Variants in SPEN observed in about 807,000 individuals in gnomAD.
SPEN encodes the protein spen family transcriptional repressor.
Under a neutral mutation model 269.9 loss-of-function variants are expected in SPEN, and 18 were observed. That is an observed-to-expected ratio of 0.07 (90% CI 0.05 to 0.10). The LOEUF (loss-of-function observed/expected upper bound fraction) is 0.10. Ranked by LOEUF, SPEN falls within the 10% of genes least tolerant of loss-of-function variation. The pLI, the probability that SPEN is intolerant of heterozygous loss-of-function variation, is 1.00. For synonymous variants in SPEN, 1,726 were observed against 1,765.7 expected (o/e 0.98, Z 0.56); for missense variants, 3,822 against 4,631.2 (o/e 0.83, Z 5.07).
At chr1:15,866,255 G>T (rs540880578) in intron 1 of SPEN, among the ~76,000 whole-genome samples, 13 of 152,168 alleles carry the variant, frequency 8.5e-5, no homozygotes, top group Non-Finnish European at 1.8e-4. Context: ...TGGCTTTAGG[G>T]ATTCTCCGTA....
At chr1:15,858,766 C>A (rs1462837271) in intron 1 of SPEN, among the ~76,000 whole-genome samples, 3 of 151,910 alleles carry the variant, frequency 2.0e-5, no homozygotes, top group African/African-American at 7.3e-5. Flanking sequence ...AAAACCCAGG[C>A]TGTAAAAACA....
rs200873742 is a variant in SPEN at position 15,856,279 on chromosome 1, C to T, written c.83+8129C>T. ...TGCTGGGATTACAGGTGTGAGCCACCGTGCCCGGCCAGATGTTAGAATCTT... is the reference window on the plus strand; with the variant it reads ...TGCTGGGATTACAGGTGTGAGCCACTGTGCCCGGCCAGATGTTAGAATCTT... On this transcript the variant is annotated intron_variant, in intron 1 of 14. Transcript: ENST00000375759. 1.8e-4 allele frequency among the ~76,000 whole-genome samples: 27 copies of T among 151,888 alleles called. 1 individual carries two copies. In the East Asian group the frequency reaches 2.5e-3, roughly 14 times the overall value.
intron 1 of SPEN, among the ~76,000 whole-genome samples, chr1:15,850,369 C>T (rs373543133): frequency 9.3e-5 from 14 of 150,864 alleles, no homozygotes; most frequent in South Asian, 8.4e-4. Context: ...CTAAGCAGAT[C>T]ATGTGTCCCT....
intron 3 of SPEN, among the ~76,000 whole-genome samples, chr1:15,885,399 T>C (rs530659737): frequency 2.0e-5 from 3 of 152,234 alleles, no homozygotes; most frequent in Non-Finnish European, 2.9e-5. Flanking sequence ...TTTGGACCTT[T>C]CCAACTGTTA....
rs1309478676 is a variant in SPEN at position 15,937,445 on chromosome 1, G to A, written c.10309G>A (p.Val3437Ile). 6.2e-7 allele frequency: 1 copy of A among 1,613,710 alleles called. No homozygotes were observed. The highest frequency in any genetic ancestry group is 8.5e-7 in the Non-Finnish European group (1 of 1,180,028). The change falls in exon 12 of 15, where the codon GTC (valine) becomes ATC (isoleucine). Residue 3437 changes from valine (V) to isoleucine (I), a missense_variant. Val to Ile is a conservative substitution (Grantham distance 29, BLOSUM62 3). Around this residue, in one of 16 missense-constraint regions of SPEN, gnomAD observed 359 missense variants for 377.3 expected, o/e 0.95. Transcript: ENST00000375759. The surrounding 1 kb of genome is among the most constrained non-coding windows in gnomAD (Gnocchi z 5.7). ...GACTTCCTTCCCCTCCCCTGTGTCT[G>A]TCTCCATGAAGCCTGACCTTCCAGT... ...GPTSFPSPVS[V>I]SMKPDLPVSL...
rs779334807 is a variant in SPEN at position 15,939,285 on chromosome 1, C to T, written c.10864-11C>T. 3 of 1,570,838 alleles carry T rather than the reference C, an allele frequency of 1.9e-6. No individual in the cohort carries two copies. Among genetic ancestry groups the T allele is most frequent in the Non-Finnish European group, 2.6e-6 (3 of 1,156,872 alleles). On this transcript the variant is annotated splice_polypyrimidine_tract_variant and intron_variant, in intron 14 of 14. Transcript: ENST00000375759. This position sits in a 1 kb window ranked among gnomAD's most constrained non-coding sequence, Gnocchi z 4.1. ...CAGACGGTCCCACTTTGCTCTCTAT[C>T]CTGTCTCCAGCCTGCCTACGTGCTG...
chr1:15,904,761 A>G (rs184399352), intron 3 of SPEN, among the ~76,000 whole-genome samples: 2 of 150,312 alleles, frequency 1.3e-5, no homozygotes, highest in Admixed American at 1.3e-4. Context: ...AATAATGTTT[A>G]TAATAATGGC....
At chr1:15,909,520 A>G (rs375717304) in intron 4 of SPEN, 39 bp downstream of exon 4, 39 of 1,590,934 alleles carry the variant, frequency 2.5e-5, no homozygotes, top group African/African-American at 1.9e-4. Context: ...CTGTGCTACT[A>G]CTGAGGAATG....
Position 15,928,870 on chromosome 1 carries a change from G to C in SPEN, c.2630G>C (p.Cys877Ser). 1 of 1,614,148 alleles carries C rather than the reference G, an allele frequency of 6.2e-7. No individual in the cohort carries two copies. Among genetic ancestry groups the C allele is most frequent in the South Asian group, 1.1e-5 (1 of 91,082 alleles). Residue 877 changes from cysteine to serine, a missense_variant, in exon 11 of 15, where the codon TGC becomes TCC. Cys to Ser is a moderately radical substitution (Grantham distance 112). Transcript: ENST00000375759. The surrounding 1 kb of genome is among the most constrained non-coding windows in gnomAD (Gnocchi z 5.7). ...AAAAACCGCCTGGAACTCATGCCTTGCGTGGTTTTGACTCGAGTGAAAGAG... is the reference window on the plus strand; with the variant it reads ...AAAAACCGCCTGGAACTCATGCCTTCCGTGGTTTTGACTCGAGTGAAAGAG... The part of the protein sequence containing the change: ...IAKNRLELMP[C>S]VVLTRVKEKE...
At chr1:15,892,528 A>G (rs966147468) in intron 3 of SPEN, among the ~76,000 whole-genome samples, 3 of 152,068 alleles carry the variant, frequency 2.0e-5, no homozygotes, top group South Asian at 2.1e-4. Flanking sequence ...AAACCCTTCT[A>G]TTCTCTTGGA....
Position 15,935,640 on chromosome 1 carries a change from C to T in SPEN, c.9400C>T (p.Pro3134Ser), listed in dbSNP as rs146190042. The change falls in exon 11 of 15, where the codon CCA becomes TCA. Residue 3134 changes from proline to serine, a missense_variant. Pro to Ser is a moderately conservative substitution (Grantham distance 74). Transcript: ENST00000375759. The surrounding 1 kb of genome is among the most constrained non-coding windows in gnomAD (Gnocchi z 7.7). The stretch of plus-strand genomic sequence containing the variant: ...GCCCCAGCAAATAGAGGTCAGGGCC[C>T]CACAGCGTGCCAGCACCCCGCAGCC... Reference protein sequence around the residue: ...LQPQQIEVRAPQRASTPQPAP... With the variant: ...LQPQQIEVRASQRASTPQPAP... 5.0e-6 allele frequency: 8 copies of T among 1,613,964 alleles called. No individual in the cohort carries two copies. The highest frequency in any genetic ancestry group is 1.6e-4 in the Middle Eastern group (1 of 6,084).
chr1:15,923,433 CT>C (rs1156360728), intron 10 of SPEN, among the ~76,000 whole-genome samples: 4 of 152,158 alleles, frequency 2.6e-5, no homozygotes, highest in Non-Finnish European at 5.9e-5. Flanking sequence ...GTCTCCACCC[CT>C]ATATGTGTTA....
chr1:15,882,432 C>T (rs2070695488), intron 3 of SPEN, among the ~76,000 whole-genome samples: 2 of 152,068 alleles, frequency 1.3e-5, no homozygotes, highest in South Asian at 2.1e-4. Flanking sequence ...GAGGTTGAGG[C>T]GGGTAGATCA....
Position 15,932,428 on chromosome 1 carries a change from T to G in SPEN, c.6188T>G (p.Val2063Gly). The G allele has an allele frequency of 1.2e-6, 2 of 1,613,702 alleles. No homozygotes were observed. Among genetic ancestry groups the G allele is most frequent in the Non-Finnish European group, 1.7e-6 (2 of 1,179,946 alleles). ...NPPETAPVEVVEKKPAPEKNS... is the reference protein window; with the variant it reads ...NPPETAPVEVGEKKPAPEKNS... ...CCTGAAACCGCCCCTGTTGAAGTTG[T>G]AGAGAAAAAACCGGCCCCTGAAAAA... The change falls in exon 11 of 15, where the codon GTA becomes GGA. Residue 2063 changes from valine (V) to glycine (G), a missense_variant. Around this residue, in one of 16 missense-constraint regions of SPEN, gnomAD observed 727 missense variants for 737.9 expected, o/e 0.99. Transcript: ENST00000375759. This position sits in a 1 kb window ranked among gnomAD's most constrained non-coding sequence, Gnocchi z 4.2.
At chr1:15,912,002 T>C (rs1396866358) in intron 5 of SPEN, among the ~76,000 whole-genome samples, 1 of 152,098 alleles carries the variant, frequency 6.6e-6, no homozygotes, top group Non-Finnish European at 1.5e-5. Flanking sequence ...TTACTTAATA[T>C]TGATGTGGGG....
chr1:15,928,424 T>C lies in SPEN; in HGVS notation c.2184T>C (p.Pro728=), dbSNP rs1445997567. Residue 728 remains proline, a synonymous_variant, in exon 11 of 15, where the codon CCT becomes CCC. Coordinates refer to ENST00000375759, the MANE Select transcript of SPEN (RefSeq NM_015001.3). The surrounding 1 kb of genome is among the most constrained non-coding windows in gnomAD (Gnocchi z 5.7). ...ERRPIERSQS[P]VHLRRPQSPG... Reference sequence around the variant, plus strand: ...GGCCGATTGAACGAAGTCAAAGTCCTGTTCACTTGCGACGTCCACAGAGTC... The same window carrying C: ...GGCCGATTGAACGAAGTCAAAGTCCCGTTCACTTGCGACGTCCACAGAGTC... 1 of 1,614,126 alleles carries C rather than the reference T, an allele frequency of 6.2e-7. No individual in the cohort carries two copies. Among genetic ancestry groups the C allele is most frequent in the Non-Finnish European group, 8.5e-7 (1 of 1,180,016 alleles).
intron 5 of SPEN, 118 bp from the exon 6 acceptor site, chr1:15,916,010 A>T: frequency 8.5e-7 from 1 of 1,171,242 alleles, no homozygotes; most frequent in Non-Finnish European, 1.2e-6. Context: ...AGTTTATGTG[A>T]GTATTCAAGC....
At chr1:15,859,795 T>C (rs945629462) in intron 1 of SPEN, among the ~76,000 whole-genome samples, 5 of 152,160 alleles carry the variant, frequency 3.3e-5, no homozygotes, top group African/African-American at 1.2e-4. Context: ...AAAAGACTTC[T>C]TATTTCTGGA....
intron 3 of SPEN, among the ~76,000 whole-genome samples, chr1:15,891,359 T>A (rs944903700): frequency 1.3e-5 from 2 of 151,352 alleles, no homozygotes; most frequent in African/African-American, 4.9e-5. Context: ...TAAATTTTTT[T>A]TTTTTTTTTT....
Sources: gnomAD v4.1 joint callset for allele counts (sites outside exome capture counted in the v4.1 genomes callset) on GRCh38, gnomAD v4.1.1 for gene constraint, gnomAD v4.1.1 regional missense constraint, Gnocchi (gnomAD v3.1) non-coding constraint, MANE v1.5 for transcripts, NCBI Gene and HGNC (gene_info 2026-07-23, HGNC 2026-07-21) for gene names.